The following MAP3K5 variants were observed in gnomAD, a reference collection of about 807,000 sequenced individuals.
MAP3K5 encodes the protein ASK-1.
In MAP3K5, 56 loss-of-function variants were observed where a neutral mutation model predicts 158.7. The ratio of observed to expected loss-of-function variants is 0.35; its 90% CI spans 0.28 to 0.44. MAP3K5 has a LOEUF of 0.44. Ranked by LOEUF, MAP3K5 falls within the 20% of genes least tolerant of loss-of-function variation. The probability of loss-of-function intolerance (pLI) is 1.00; values close to 1 mark genes in which losing one functional copy is unlikely to be tolerated. For synonymous variants in MAP3K5, 579 were observed against 601.7 expected, an observed-to-expected ratio of 0.96 and a Z score of 0.55; for missense variants, 1,294 against 1,674.8, an observed-to-expected ratio of 0.77 and a Z score of 3.97.
At chr6:136,639,782 T>G (rs942600467) in intron 12 of MAP3K5, 144 bp from the exon 13 acceptor site, 1 of 579,054 alleles carries the variant, frequency 1.7e-6, no homozygotes, top group South Asian at 2.2e-5. Flanking sequence ...CTTTAAAAAG[T>G]GATACTTCCT....
At chr6:136,732,571 C>T (rs1406585576) in intron 1 of MAP3K5, among the ~76,000 whole-genome samples, 1 of 152,168 alleles carries the variant, frequency 6.6e-6, no homozygotes, top group Non-Finnish European at 1.5e-5. Flanking sequence ...AGCTGGTAGC[C>T]AACAGAAAGG....
intron 1 of MAP3K5, among the ~76,000 whole-genome samples, chr6:136,766,462 G>A (rs1394197428): frequency 6.6e-6 from 1 of 152,202 alleles, no homozygotes; most frequent in Non-Finnish European, 1.5e-5. Context: ...ATGAATAGAA[G>A]GGTAGGTTAT....
chr6:136,740,585 G>A (rs908522703), intron 1 of MAP3K5, among the ~76,000 whole-genome samples: 11 of 151,958 alleles, frequency 7.2e-5, no homozygotes, highest in East Asian at 3.9e-4. Flanking sequence ...CTACCTCCGT[G>A]TGATTTATTT....
intron 7 of MAP3K5, among the ~76,000 whole-genome samples, chr6:136,688,336 T>TGCA (rs1780242703): frequency 6.6e-6 from 1 of 152,022 alleles, no homozygotes; most frequent in Non-Finnish European, 1.5e-5. Flanking sequence ...GGTTGATGGG[T>TGCA]GCAGCAAACC....
At chr6:136,575,903 G>A (rs1244015917) in intron 25 of MAP3K5, among the ~76,000 whole-genome samples, 2 of 152,064 alleles carry the variant, frequency 1.3e-5, no homozygotes, top group Non-Finnish European at 2.9e-5. Context: ...ATATCTTGTG[G>A]GGAGACAGTT....
intron 21 of MAP3K5, among the ~76,000 whole-genome samples, chr6:136,597,990 T>G (rs908690954): frequency 5.3e-5 from 8 of 152,242 alleles, no homozygotes; most frequent in African/African-American, 1.2e-4. Context: ...ACATTTCTCT[T>G]ACTGTAGAAT....
At chr6:136,659,084 C>G (rs1001863977) in intron 9 of MAP3K5, 135 bp downstream of exon 9, 1 of 811,632 alleles carries the variant, frequency 1.2e-6, no homozygotes, top group Non-Finnish European at 1.9e-6. Flanking sequence ...TTATGAATAT[C>G]ACAATTTTCC....
chr6:136,600,040 C>T (rs1214898948), intron 21 of MAP3K5, among the ~76,000 whole-genome samples: 1 of 152,146 alleles, frequency 6.6e-6, no homozygotes, highest in African/African-American at 2.4e-5. Context: ...CAGGCCTCTA[C>T]TCTGGGCTGA....
At chr6:136,587,148 G>A (rs1775175346) in intron 23 of MAP3K5, among the ~76,000 whole-genome samples, 1 of 152,142 alleles carries the variant, frequency 6.6e-6, no homozygotes, top group South Asian at 2.1e-4. Flanking sequence ...GATTTCAGAA[G>A]GATGTTACAG....
At chr6:136,736,170 G>A (rs112645845) in intron 1 of MAP3K5, among the ~76,000 whole-genome samples, 3 of 152,094 alleles carry the variant, frequency 2.0e-5, no homozygotes, top group Non-Finnish European at 4.4e-5. Context: ...AATCCAGTTG[G>A]ATCTAAGAAG....
chr6:136,763,464 G>A (rs1783837598), intron 1 of MAP3K5, among the ~76,000 whole-genome samples: 1 of 152,140 alleles, frequency 6.6e-6, no homozygotes, highest in African/African-American at 2.4e-5. Context: ...TTAGCAAAAA[G>A]TCTCAGGTGC....
intron 1 of MAP3K5, among the ~76,000 whole-genome samples, chr6:136,737,674 T>C (rs1782534650): frequency 6.6e-6 from 1 of 152,214 alleles, no homozygotes; most frequent in Admixed American, 6.5e-5. Context: ...TTCTCCCACA[T>C]GTTGATTTTA....
chr6:136,597,981 C>T (rs1464590983), intron 21 of MAP3K5, among the ~76,000 whole-genome samples: 1 of 152,204 alleles, frequency 6.6e-6, no homozygotes, highest in African/African-American at 2.4e-5. Flanking sequence ...AGATAAATGA[C>T]ATTTCTCTTA....
At chr6:136,675,719 C>T (rs909685634) in intron 7 of MAP3K5, among the ~76,000 whole-genome samples, 9 of 151,508 alleles carry the variant, frequency 5.9e-5, no homozygotes, top group Admixed American at 2.6e-4. Context: ...ATCTAGTAAA[C>T]GAACAGCATA....
Position 136,611,619 on chromosome 6 carries a change from A to G in MAP3K5, c.2416-232T>C, listed in dbSNP as rs78156144. On this transcript the variant is annotated intron_variant, in intron 17 of 29. Transcript: ENST00000359015. Reference sequence around the variant, plus strand: ...CTTTGCGAAAATTACAACAGTGAGAAAATTATGACAGTAAAAGAGATCTGA... The same window carrying G: ...CTTTGCGAAAATTACAACAGTGAGAGAATTATGACAGTAAAAGAGATCTGA... Among the ~76,000 whole-genome samples the G allele has an allele frequency of 3.2e-3, 483 of 152,392 alleles. 3 individuals are homozygous for G. Among genetic ancestry groups the G allele is most frequent in the African/African-American group, 0.011 (466 of 41,596 alleles).
intron 7 of MAP3K5, among the ~76,000 whole-genome samples, chr6:136,693,730 C>T (rs1780485196): frequency 6.6e-6 from 1 of 152,174 alleles, no homozygotes; most frequent in Non-Finnish European, 1.5e-5. Context: ...TGGCTCACGC[C>T]TGTAATCCCA....
intron 23 of MAP3K5, among the ~76,000 whole-genome samples, chr6:136,584,012 C>T (rs796363150): frequency 1.5e-4 from 23 of 152,180 alleles, no homozygotes; most frequent in Middle Eastern, 3.4e-3. Context: ...AAAGGAAAGA[C>T]CATATTTTGA....
At chr6:136,767,188 A>C (rs1456946214) in intron 1 of MAP3K5, among the ~76,000 whole-genome samples, 1 of 152,206 alleles carries the variant, frequency 6.6e-6, no homozygotes, top group African/African-American at 2.4e-5. Flanking sequence ...AGATAAGGTA[A>C]GTGGTGATTC....
chr6:136,612,129 C>T (rs1002190034), intron 17 of MAP3K5, among the ~76,000 whole-genome samples: 2 of 152,132 alleles, frequency 1.3e-5, no homozygotes, highest in African/African-American at 4.8e-5. Context: ...CCCCTGCTCA[C>T]CAAACTATCT....
Sources: gnomAD v4.1 joint callset for allele counts (sites outside exome capture counted in the v4.1 genomes callset) on GRCh38, gnomAD v4.1.1 for gene constraint, MANE v1.5 for transcripts, NCBI Gene and HGNC (gene_info 2026-07-23, HGNC 2026-07-21) for gene names.